The following FCRL3 variants were observed in gnomAD, a reference collection of about 807,000 sequenced individuals.
FCRL3 encodes Fc receptor-like protein 3.
FCRL3 carries 89 observed loss-of-function variants against 75.0 expected under a neutral mutation model. The ratio of observed to expected loss-of-function variants is 1.19; its 90% CI spans 1.00 to 1.42. The LOEUF is 1.42. FCRL3 is among the 40% of genes most tolerant of loss of function. FCRL3 has a pLI of 0.00. For synonymous variants in FCRL3, 376 were observed against 348.5 expected, an observed-to-expected ratio of 1.08 and a Z score of -0.88; for missense variants, 946 against 880.0, an observed-to-expected ratio of 1.07 and a Z score of -0.95.
rs1656029929 is a variant in FCRL3 at position 157,697,668 on chromosome 1, G to T, written c.550C>A (p.Gln184Lys). 1 of 1,612,788 alleles carries T rather than the reference G, an allele frequency of 6.2e-7. No individual in the cohort carries two copies. Among genetic ancestry groups the T allele is most frequent in the Non-Finnish European group, 8.5e-7 (1 of 1,179,562 alleles). Residue 184 changes from glutamine to lysine, a missense_variant, in exon 5 of 15, where the codon CAA becomes AAA. Gln to Lys is a moderately conservative substitution (Grantham distance 53). Transcript: ENST00000368184. ...IEVTSKPLNI[Q>K]VQELFLHPVL... ...GGAATCTAGCCATTACCTTGAACTT[G>T]GATATTTAGGGGTTTTGAAGTTACT...
At position 157,677,738 on chromosome 1, in the gene FCRL3, T is replaced by TAA; in HGVS notation, c.*971_*972insTT. The TAA allele has an allele frequency of 1.8e-6, 1 of 568,016 alleles. No homozygotes were observed. The highest frequency in any genetic ancestry group is 2.2e-6 in the Non-Finnish European group (1 of 448,946). 35.2% of individuals were successfully genotyped at this position (568,016 alleles called of 1,614,324 possible). A position where few individuals can be genotyped will look rare whatever the true frequency, so the allele number is the denominator to read the frequency against. The stretch of plus-strand genomic sequence containing the variant: ...ATGAAGAGAAAGTACTAAAAAAAAT[T>TAA]ATCTACAACAATATGGTCTTTAACT... On this transcript the variant is annotated 3_prime_UTR_variant, in exon 15 of 15. Transcript: ENST00000368184.
At chr1:157,696,503 A>C (rs2101622028) in intron 6 of FCRL3, 176 bp from the exon 7 acceptor site, 2 of 610,774 alleles carry the variant, frequency 3.3e-6, no homozygotes, top group South Asian at 2.2e-5. Context: ...CATCCCTCTC[A>C]CTCCCACAAC....
intron 6 of FCRL3, 61 bp from the exon 7 acceptor site, chr1:157,696,388 A>G (rs1655910889): frequency 1.3e-6 from 2 of 1,586,486 alleles, no homozygotes; most frequent in Non-Finnish European, 1.7e-6. Context: ...GGTCAAGGGG[A>G]AGGCTGGAGC....
Position 157,700,670 on chromosome 1 carries a change from A to G in FCRL3, c.-105T>C. On this transcript the variant is annotated 5_prime_UTR_variant, in exon 1 of 15. Coordinates refer to ENST00000368184, the MANE Select transcript of FCRL3 (RefSeq NM_052939.4). Reference sequence around the variant, plus strand: ...AATGTGAATGTGGCTACCTTCCTAAATGCTGTTTGTATCTCAATCCCGGTA... The same window carrying G: ...AATGTGAATGTGGCTACCTTCCTAAGTGCTGTTTGTATCTCAATCCCGGTA... 3.4e-6 allele frequency: 5 copies of G among 1,465,928 alleles called. No homozygotes were observed. The allele number at this position is 1,465,928 out of a possible 1,614,324, so 90.8% of individuals were successfully genotyped here.
chr1:157,696,387 GA>G (rs749294556), intron 6 of FCRL3, 60 bp from the exon 7 acceptor site: 2 of 1,586,972 alleles, frequency 1.3e-6, no homozygotes, highest in South Asian at 2.2e-5. Context: ...AGGTCAAGGG[GA>G]AGGCTGGAGC....
In FCRL3 at chr1:157,681,017, G is replaced by A. The variant is rs1457056163; in HGVS notation, c.1921C>T (p.Leu641=). 1.2e-6 allele frequency: 2 copies of A among 1,601,608 alleles called. No individual in the cohort carries two copies. The highest frequency in any genetic ancestry group is 3.5e-5 in the Admixed American group (2 of 56,696). The change falls in exon 12 of 15, where the codon CTA becomes TTA. Residue 641 remains leucine (L), a synonymous_variant. Transcript: ENST00000368184. ...DPQEPTHSKP[L]APMELEPMYS... is the part of the protein sequence containing the mutation. Reference sequence around the variant, plus strand: ...ATTGGCTCCAGCTCCATTGGGGCTAGTGGTTTAGAGTGAGTGGGCTCTTGA... The same window carrying A: ...ATTGGCTCCAGCTCCATTGGGGCTAATGGTTTAGAGTGAGTGGGCTCTTGA...
intron 13 of FCRL3, chr1:157,679,334 A>C: frequency 1.9e-5 from 6 of 307,908 alleles, no homozygotes; most frequent in East Asian, 1.5e-4. Context: ...CCCACCCCCA[A>C]TCCACTGCAG....
chr1:157,685,208 A>C, intron 10 of FCRL3, among the ~76,000 whole-genome samples: 1 of 151,980 alleles, frequency 6.6e-6, no homozygotes, highest in South Asian at 2.1e-4. Context: ...ATCCCAGATA[A>C]ACAATGAGAG....
intron 9 of FCRL3, 49 bp from the exon 10 acceptor site, chr1:157,689,966 A>G (rs1655411596): frequency 1.2e-6 from 2 of 1,607,482 alleles, no homozygotes; most frequent in African/African-American, 1.3e-5. Context: ...GGTTTTGGAT[A>G]CAGACAAAAT....
chr1:157,689,732 C>T, intron 10 of FCRL3, 66 bp downstream of exon 10: 1 of 1,604,722 alleles, frequency 6.2e-7, no homozygotes, highest in Admixed American at 1.7e-5. Flanking sequence ...ATAGGGTGCA[C>T]CAGACAACTT....
In FCRL3 at chr1:157,677,668, A is replaced by G; in HGVS notation, c.*1042T>C. The G allele has an allele frequency of 3.3e-6, 3 of 899,846 alleles. No homozygotes were observed. The highest frequency in any genetic ancestry group is 4.0e-6 in the Non-Finnish European group (3 of 752,226). The allele number at this position is 899,846 out of a possible 1,614,324, so 55.7% of individuals were successfully genotyped here. Reference sequence around the variant, plus strand: ...ACTAAACAGCAATAAAAACAAATGAACTATAGCAACACGCAACAATATGGA... The same window carrying G: ...ACTAAACAGCAATAAAAACAAATGAGCTATAGCAACACGCAACAATATGGA... On this transcript the variant is annotated 3_prime_UTR_variant, in exon 15 of 15. Coordinates refer to ENST00000368184, the MANE Select transcript of FCRL3 (RefSeq NM_052939.4).
rs748261388 is a variant in FCRL3 at position 157,678,825 on chromosome 1, T to G, written c.2090A>C (p.Lys697Thr). Residue 697 changes from lysine to threonine, a missense_variant, in exon 15 of 15, where the codon AAG becomes ACG. Coordinates refer to ENST00000368184, the MANE Select transcript of FCRL3 (RefSeq NM_052939.4). ...ELTVLYSELK[K>T]THPDDSAGEA... ...CCCTGCAGAGTCGTCTGGGTGTGTC[T>G]TCTTCAGTTCTGAATAGAGGACTGT... The G allele has an allele frequency of 1.2e-5, 19 of 1,614,046 alleles. No homozygotes were observed. The highest frequency in any genetic ancestry group is 1.6e-5 in the Non-Finnish European group (19 of 1,179,964).
At chr1:157,680,803 C>A in intron 12 of FCRL3, 33 bp from the exon 13 acceptor site, 2 of 1,598,746 alleles carry the variant, frequency 1.3e-6, no homozygotes, top group South Asian at 2.2e-5. Context: ...TGGTTGCAGT[C>A]AAGAGCTCAT....
At chr1:157,692,839 G>C (rs936348747) in intron 8 of FCRL3, among the ~76,000 whole-genome samples, 2 of 152,132 alleles carry the variant, frequency 1.3e-5, no homozygotes, top group African/African-American at 4.8e-5. Flanking sequence ...TTGGAAAATA[G>C]TTGTTTAAAA....
At chr1:157,698,721 C>G in intron 3 of FCRL3, 92 bp from the exon 4 acceptor site, 1 of 1,362,774 alleles carries the variant, frequency 7.3e-7, no homozygotes, top group South Asian at 1.3e-5. Context: ...AGGAGTTTTC[C>G]TGGACTAATT....
chr1:157,696,984 G>A, intron 6 of FCRL3, 156 bp downstream of exon 6: 1 of 606,480 alleles, frequency 1.6e-6, no homozygotes, highest in Non-Finnish European at 2.4e-6. Flanking sequence ...AAATGTTCTA[G>A]GGCTGTTAGA....
At chr1:157,691,810 TG>T (rs1396321638) in intron 8 of FCRL3, 1 of 152,198 alleles carries the variant, frequency 6.6e-6, no homozygotes, top group Non-Finnish European at 1.5e-5. Flanking sequence ...ATGGGACCTC[TG>T]GTTCTGAATG....
intron 9 of FCRL3, 26 bp downstream of exon 9, chr1:157,690,229 C>T (rs1655428044): frequency 6.2e-7 from 1 of 1,611,084 alleles, no homozygotes; most frequent in Admixed American, 1.7e-5. Flanking sequence ...TAACTGTGAC[C>T]TCTAGCCCAG....
At position 157,697,779 on chromosome 1, in the gene FCRL3, C is replaced by T. The variant is rs528909398; in HGVS notation, c.439G>A (p.Glu147Lys). 3 of 1,613,998 alleles carry T rather than the reference C, an allele frequency of 1.9e-6. No individual in the cohort carries two copies. The highest frequency in any genetic ancestry group is 2.5e-6 in the Non-Finnish European group (3 of 1,180,014). The change falls in exon 5 of 15, where the codon GAG (glutamate) becomes AAG (lysine). Residue 147 changes from glutamate (E) to lysine (K), a missense_variant. Physicochemically the swap from Glu to Lys is moderately conservative, Grantham distance 56. Coordinates refer to ENST00000368184, the MANE Select transcript of FCRL3 (RefSeq NM_052939.4). ...GAGACTGAATTCACTGTGATCTTCT[C>T]TAAATTATAACTATTAGGAAGCTGT... ...GKQLPNSYNLEKITVNSVSRD... is the reference protein window; with the variant it reads ...GKQLPNSYNLKKITVNSVSRD...
Sources: gnomAD v4.1 joint callset for allele counts (sites outside exome capture counted in the v4.1 genomes callset) on GRCh38, gnomAD v4.1.1 for gene constraint, MANE v1.5 for transcripts, NCBI Gene and HGNC (gene_info 2026-07-23, HGNC 2026-07-21) for gene names.